ALPK3: variants seen among roughly 807,000 people sequenced by gnomAD.
ALPK3 encodes the protein alpha kinase 3, also known as alpha-protein kinase 3.
ALPK3 carries 102 observed loss-of-function variants against 140.0 expected under a neutral mutation model. That is an observed-to-expected ratio of 0.73 (90% confidence interval 0.62 to 0.86). The LOEUF is 0.86. ALPK3 is among the 40% of genes least tolerant of loss of function. ALPK3 has a pLI of 0.00. For synonymous variants in ALPK3, 938 were observed against 898.5 expected, an observed-to-expected ratio of 1.04 and a Z score of -0.79; for missense variants, 2,254 against 2,208.2, an observed-to-expected ratio of 1.02 and a Z score of -0.42.
intron 5 of ALPK3, among the ~76,000 whole-genome samples, chr15:84,855,304 C>T (rs1195373756): frequency 6.6e-6 from 1 of 152,208 alleles, no homozygotes; most frequent in Admixed American, 6.5e-5. Context: ...CACTCTCCTC[C>T]CGCTGAGCTG....
At chr15:84,827,448 G>A in intron 2 of ALPK3, 36 bp from the exon 3 acceptor site, 1 of 1,612,532 alleles carries the variant, frequency 6.2e-7, no homozygotes, top group Non-Finnish European at 8.5e-7. Flanking sequence ...TTGTTGTGGG[G>A]AAGGCCAGCT....
chr15:84,870,631 G>A lies in ALPK3; in HGVS notation c.*2175G>A, dbSNP rs1964059142. On this transcript the variant is annotated 3_prime_UTR_variant, in exon 14 of 14. Transcript: ENST00000258888. ...AGGGTGGGAGCTGGGGCAACTACGA[G>A]GCTTGCCTCCCAGGAGCTGCTGCGG... 6.6e-6 allele frequency: 1 copy of A among 152,240 alleles called. No homozygotes were observed. Among genetic ancestry groups the A allele is most frequent in the African/African-American group, 2.4e-5 (1 of 41,448 alleles). 9.4% of individuals were successfully genotyped at this position (152,240 alleles called of 1,614,324 possible).
At chr15:84,864,301 T>G (rs1963980125) in intron 11 of ALPK3, 141 bp from the exon 12 acceptor site, 6 of 858,124 alleles carry the variant, frequency 7.0e-6, no homozygotes, top group Admixed American at 2.8e-5. Context: ...GCTGCTTTCC[T>G]TTGCTGTCCT....
chr15:84,847,208 G>GAGA (rs373039929), intron 5 of ALPK3, among the ~76,000 whole-genome samples: 1,729 of 116,620 alleles, frequency 0.015, 77 homozygotes, highest in South Asian at 0.018. Flanking sequence ...GGAGAAACGG[G>GAGA]GAGAGAGAGA....
rs1963649188 is a variant in ALPK3, at chr15:84,840,484, C to CCCCTGG, written c.1209_1214dup (p.Pro407_Gly408dup). 2.5e-6 allele frequency: 4 copies of CCCCTGG among 1,613,608 alleles called. No homozygotes were observed. Among genetic ancestry groups the CCCCTGG allele is most frequent in the African/African-American group, 1.3e-5 (1 of 75,062 alleles). On this transcript the variant is annotated inframe_insertion, in exon 5 of 14. Transcript: ENST00000258888. The stretch of plus-strand genomic sequence containing the variant: ...GGCACTCCAGACAAGGCCCAGAAGG[C>CCCCTGG]CCCTGGCCCAGGCCCAGGCCAGGAA...
Position 84,872,168 on chromosome 15 carries a change from A to G in ALPK3, c.*3712A>G, listed in dbSNP as rs974432446. ...GTCAGATAACACTACGAGGGGCAGC[A>G]TGGCCACCAAGTGTGCCAGGGCCAA... On this transcript the variant is annotated 3_prime_UTR_variant, in exon 14 of 14. Coordinates refer to ENST00000258888, the MANE Select transcript of ALPK3 (RefSeq NM_020778.5). 2 of 152,294 alleles carry G rather than the reference A, an allele frequency of 1.3e-5. No individual in the cohort carries two copies. The highest frequency in any genetic ancestry group is 2.9e-5 in the Non-Finnish European group (2 of 68,084). The allele number at this position is 152,294 out of a possible 1,614,324, so 9.4% of individuals were successfully genotyped here.
At position 84,840,666 on chromosome 15, in the gene ALPK3, C is replaced by G. The variant is rs267604352; in HGVS notation, c.1387C>G (p.Pro463Ala). Residue 463 changes from proline to alanine, a missense_variant, in exon 5 of 14, where the codon CCT (proline) becomes GCT (alanine). Transcript: ENST00000258888. ...RARSEGVPGAPGQPTHSLTPQ... is the reference protein window; with the variant it reads ...RARSEGVPGAAGQPTHSLTPQ... ...TAGAAGCGAGGGGGTGCCTGGCGCT[C>G]CTGGCCAGCCCACACACTCCTTGAC... 1.3e-6 allele frequency: 2 copies of G among 1,588,170 alleles called. No homozygotes were observed. The highest frequency in any genetic ancestry group is 1.4e-5 in the African/African-American group (1 of 74,002).
Position 84,857,105 on chromosome 15 carries a change from T to C in ALPK3, c.2367T>C (p.Thr789=), listed in dbSNP as rs55727747. The change falls in exon 6 of 14, where the codon ACT becomes ACC. Residue 789 remains threonine (T), a synonymous_variant. Transcript: ENST00000258888. ...CAGCCTCCAGGAACCATGAGCAAAC[T>C]GTGCTGGGTCCCCTGTCAGGGAACC... ...VVTASRNHEQ[T]VLGPLSGNLM... The C allele has an allele frequency of 3.4e-3, 5,480 of 1,614,174 alleles. 21 individuals carry two copies. Among genetic ancestry groups the C allele is most frequent in the Non-Finnish European group, 3.8e-3 (4,473 of 1,180,018 alleles).
At chr15:84,828,450 G>A (rs1214655777) in intron 3 of ALPK3, among the ~76,000 whole-genome samples, 2 of 152,068 alleles carry the variant, frequency 1.3e-5, no homozygotes, top group African/African-American at 4.8e-5. Context: ...CCCACAAATG[G>A]GTACCCACCC....
chr15:84,838,945 C>T (rs1404535213), intron 3 of ALPK3, 35 bp from the exon 4 acceptor site: 1 of 1,588,420 alleles, frequency 6.3e-7, no homozygotes, highest in Non-Finnish European at 8.6e-7. Context: ...TTGGAACTGG[C>T]CTTGCTGTAA....
rs138268391 is a variant in ALPK3, at chr15:84,859,889, G to A, written c.4079G>A (p.Cys1360Tyr). The A allele has an allele frequency of 6.2e-7, 1 of 1,613,908 alleles. No individual in the cohort carries two copies. Among genetic ancestry groups the A allele is most frequent in the Non-Finnish European group, 8.5e-7 (1 of 1,180,036 alleles). Residue 1360 changes from cysteine to tyrosine, a missense_variant, in exon 8 of 14, where the codon TGC becomes TAC. By Grantham distance (194) the Cys-to-Tyr change is radical. This residue lies in a region of ALPK3 where 2,088 missense variants were observed against 2,022.9 expected (regional missense o/e 1.03). Coordinates refer to ENST00000258888, the MANE Select transcript of ALPK3 (RefSeq NM_020778.5). ...NEHGSASTDF[C>Y]LSPEVLSGFI... is the part of the protein sequence containing the mutation. ...CACGGCTCGGCCTCCACCGACTTCT[G>A]CCTCAGCCCTGAGGGTGAGTGTGCC...
rs1483321608 is a variant in ALPK3 at position 84,858,451 on chromosome 15, T to C, written c.3713T>C (p.Leu1238Pro). The change falls in exon 6 of 14, where the codon CTG (leucine) becomes CCG (proline). Residue 1238 changes from leucine (L) to proline (P), a missense_variant. Coordinates refer to ENST00000258888, the MANE Select transcript of ALPK3 (RefSeq NM_020778.5). ...RAEEELAAGD[L>P]GPSPKAGGLD... ...GAGGAGGAGCTGGCGGCAGGAGACC[T>C]GGGCCCCAGCCCCAAGGCCGGCGGT... 6.4e-7 allele frequency: 1 copy of C among 1,567,762 alleles called. No homozygotes were observed. The highest frequency in any genetic ancestry group is 8.6e-7 in the Non-Finnish European group (1 of 1,160,500).
chr15:84,841,402 T>C (rs544722433), intron 5 of ALPK3, among the ~76,000 whole-genome samples: 1 of 152,344 alleles, frequency 6.6e-6, no homozygotes, highest in South Asian at 2.1e-4. Context: ...TGGGTTTATC[T>C]AAGGTTCTGG....
rs1234738905 is a variant in ALPK3, at chr15:84,870,852, C to T, written c.*2396C>T. 1 of 152,124 alleles carries T rather than the reference C, an allele frequency of 6.6e-6. No individual in the cohort carries two copies. The allele number at this position is 152,124 out of a possible 1,614,324, so 9.4% of individuals were successfully genotyped here. On this transcript the variant is annotated 3_prime_UTR_variant, in exon 14 of 14. Transcript: ENST00000258888. ...GGTGGAAAGGGTTTGGTAGGTAAAC[C>T]CTGAAGATGCTTCTAACACACGTGC...
intron 5 of ALPK3, among the ~76,000 whole-genome samples, chr15:84,842,120 G>A (rs188589992): frequency 1.3e-4 from 20 of 152,302 alleles, no homozygotes; most frequent in Admixed American, 2.6e-4. Context: ...TGCAGCCTCC[G>A]GCTCCCGGGT....
intron 5 of ALPK3, among the ~76,000 whole-genome samples, chr15:84,843,369 G>A (rs557971387): frequency 6.5e-4 from 99 of 152,312 alleles, no homozygotes; most frequent in Non-Finnish European, 1.1e-3. Flanking sequence ...TTGGGTGGCT[G>A]AGGCAGGAGA....
intron 12 of ALPK3, among the ~76,000 whole-genome samples, chr15:84,866,893 A>G (rs1204099998): frequency 6.6e-6 from 1 of 152,186 alleles, no homozygotes; most frequent in East Asian, 1.9e-4. Context: ...TAGAGGCAGG[A>G]TTGCATAGCT....
intron 3 of ALPK3, among the ~76,000 whole-genome samples, chr15:84,832,710 T>C (rs557568268): frequency 6.6e-6 from 1 of 152,356 alleles, no homozygotes; most frequent in East Asian, 1.9e-4. Context: ...GCTCAGTACA[T>C]ATCAAATGAC....
In ALPK3 at chr15:84,856,963, C is replaced by T. The variant is rs753733342; in HGVS notation, c.2225C>T (p.Pro742Leu). The T allele has an allele frequency of 3.1e-6, 5 of 1,614,132 alleles. No individual in the cohort carries two copies. The highest frequency in any genetic ancestry group is 3.4e-6 in the Non-Finnish European group (4 of 1,180,016). Residue 742 changes from proline to leucine, a missense_variant, in exon 6 of 14, where the codon CCA (proline) becomes CTA (leucine). Coordinates refer to ENST00000258888, the MANE Select transcript of ALPK3 (RefSeq NM_020778.5). ...CCACCATCCAGAACCCCCAAACTCC[C>T]ACCTACAGCGGGTCCTAGAGCTCCT... is the stretch of plus-strand genomic sequence containing the variant. ...LGPPSRTPKL[P>L]PTAGPRAPLN...
Sources: allele counts gnomAD v4.1 joint callset (sites outside exome capture counted in the v4.1 genomes callset), GRCh38; gene constraint gnomAD v4.1.1; regional missense constraint gnomAD v4.1.1; transcripts MANE v1.5; gene names NCBI Gene and HGNC (gene_info 2026-07-23, HGNC 2026-07-21).